Variants in ABCA8 observed in about 807,000 individuals in gnomAD.
The protein encoded by ABCA8 is ABC-type organic anion transporter ABCA8.
ABCA8 carries 177 observed loss-of-function variants against 192.3 expected under a neutral mutation model. That is an observed-to-expected ratio of 0.92 (90% CI 0.81 to 1.04). The LOEUF (loss-of-function observed/expected upper bound fraction) is 1.04, where lower values mean the gene tolerates loss of function less well. ABCA8 is among the 50% of genes least tolerant of loss of function. ABCA8 has a pLI of 0.00. For synonymous variants in ABCA8, 642 were observed against 690.2 expected (o/e 0.93, Z 1.09); for missense variants, 1,915 against 1,904.8 (o/e 1.01, Z -0.10).
At chr17:68,877,952 AT>A (rs957509366) in intron 32 of ABCA8, 55 of 327,434 alleles carry the variant, frequency 1.7e-4, no homozygotes, top group Non-Finnish European at 2.0e-4. Context: ...GTTTATATCC[AT>A]TTTTTTTAAA....
intron 14 of ABCA8, among the ~76,000 whole-genome samples, chr17:68,918,908 C>T (rs181657916): frequency 5.7e-5 from 7 of 122,282 alleles, no homozygotes; most frequent in East Asian, 2.4e-4. Context: ...CCGGCCTGGG[C>T]GACAAGAGCA....
chr17:68,950,807 A>T (rs2068548359), intron 1 of ABCA8, among the ~76,000 whole-genome samples: 1 of 152,146 alleles, frequency 6.6e-6, no homozygotes, highest in African/African-American at 2.4e-5. Context: ...GATTGATTGC[A>T]TCAGTGACCC....
At chr17:68,925,637 A>C (rs996663369) in intron 10 of ABCA8, among the ~76,000 whole-genome samples, 2 of 152,142 alleles carry the variant, frequency 1.3e-5, no homozygotes, top group African/African-American at 4.8e-5. Flanking sequence ...TGTATTTCTC[A>C]CATGTTCAGT....
intron 19 of ABCA8, among the ~76,000 whole-genome samples, chr17:68,905,315 C>T (rs145935882): frequency 2.4e-4 from 37 of 152,252 alleles, no homozygotes; most frequent in Admixed American, 5.9e-4. Flanking sequence ...TTACTGATAA[C>T]GGTCATCAGT....
chr17:68,918,247 A>T (rs566261278), intron 15 of ABCA8, 62 bp from the exon 16 acceptor site: 1 of 1,596,466 alleles, frequency 6.3e-7, no homozygotes, highest in East Asian at 2.2e-5. Context: ...CCAGAAAACA[A>T]CGCAAAAACC....
chr17:68,899,567 C>T (rs149325080), intron 21 of ABCA8, among the ~76,000 whole-genome samples: 29 of 152,116 alleles, frequency 1.9e-4, no homozygotes, highest in African/African-American at 5.8e-4. Context: ...CATTTATAAA[C>T]GTATATACAC....
chr17:68,931,093 G>A (rs139484076), intron 7 of ABCA8, among the ~76,000 whole-genome samples: 2 of 152,128 alleles, frequency 1.3e-5, no homozygotes, highest in Admixed American at 1.3e-4. Flanking sequence ...AGGAGTTCCT[G>A]GTCCTCGGCT....
chr17:68,880,799 G>T, intron 32 of ABCA8: 1 of 343,814 alleles, frequency 2.9e-6, no homozygotes, highest in South Asian at 3.0e-5. Flanking sequence ...TGGGATCCAG[G>T]CTGGTGGCAT....
rs1018588498 is a variant in ABCA8, at chr17:68,911,384, G to T, written c.2139-3505C>A. Among the ~76,000 whole-genome samples the T allele has an allele frequency of 6.7e-6, 1 of 150,218 alleles. No homozygotes were observed. The highest frequency in any genetic ancestry group is 1.5e-5 in the Non-Finnish European group (1 of 67,940). ...GGAGAGGGAAGAGTGGGAAGACTTT[G>T]TCTTCTGGTTTGGGTGTCAGCTCAG... On this transcript the variant is annotated intron_variant, in intron 17 of 39. Coordinates refer to ENST00000586539, the MANE Select transcript of ABCA8 (RefSeq NM_001288985.2). This position sits in a 1 kb window ranked among gnomAD's most constrained non-coding sequence, Gnocchi z 5.7.
chr17:68,890,682 C>T (rs1348623086), intron 24 of ABCA8, among the ~76,000 whole-genome samples: 3 of 152,148 alleles, frequency 2.0e-5, no homozygotes, highest in Admixed American at 2.0e-4. Context: ...CCACACCCAG[C>T]TAATTTTTGT....
At chr17:68,952,751 G>A (rs558936461) in intron 1 of ABCA8, among the ~76,000 whole-genome samples, 1 of 152,086 alleles carries the variant, frequency 6.6e-6, no homozygotes, top group African/African-American at 2.4e-5. Flanking sequence ...ACAGAGAGTG[G>A]CATTATACTT....
At chr17:68,902,168 C>T (rs532290140) in intron 21 of ABCA8, among the ~76,000 whole-genome samples, 1 of 152,288 alleles carries the variant, frequency 6.6e-6, no homozygotes, top group South Asian at 2.1e-4. Flanking sequence ...TGAAAACATG[C>T]TAAGCGAAAG....
chr17:68,887,059 C>T lies in ABCA8; in HGVS notation c.3387G>A (p.Lys1129=). The change falls in exon 26 of 40, where the codon AAG becomes AAA. Residue 1129 remains lysine (K), a synonymous_variant. Transcript: ENST00000586539. ...ACCAAATGCCACTATTTTTTCTCCCCTTGCGAAAGATGAAGGAAATCACGT... is the reference window on the plus strand; with the variant it reads ...ACCAAATGCCACTATTTTTTCTCCCTTTGCGAAAGATGAAGGAAATCACGT... ...MTYVISFIFR[K]GRKNSGIWSF... 5.0e-6 allele frequency: 8 copies of T among 1,612,694 alleles called. No homozygotes were observed. Among genetic ancestry groups the T allele is most frequent in the Non-Finnish European group, 5.9e-6 (7 of 1,179,304 alleles).
chr17:68,928,140 T>C, intron 9 of ABCA8, 77 bp from the exon 10 acceptor site: 2 of 1,180,642 alleles, frequency 1.7e-6, no homozygotes, highest in Non-Finnish European at 2.4e-6. Flanking sequence ...AGCATAGTAA[T>C]GAAATGACTA....
chr17:68,949,177 G>A (rs1216780715), intron 2 of ABCA8, 135 bp downstream of exon 2: 4 of 151,706 alleles, frequency 2.6e-5, no homozygotes, highest in Non-Finnish European at 5.9e-5. Flanking sequence ...AGTTAGCATG[G>A]TAAACTAGAA....
intron 21 of ABCA8, among the ~76,000 whole-genome samples, chr17:68,901,532 G>T (rs2066910908): frequency 6.6e-6 from 1 of 152,194 alleles, no homozygotes; most frequent in Non-Finnish European, 1.5e-5. Context: ...GTGAGGCCGG[G>T]CGCGGTGGCT....
chr17:68,952,605 A>T (rs1026975243), intron 1 of ABCA8, among the ~76,000 whole-genome samples: 5 of 152,342 alleles, frequency 3.3e-5, no homozygotes, highest in Admixed American at 6.5e-5. Flanking sequence ...GGGCTTGTGC[A>T]GGAGGTGGAG....
Position 68,929,056 on chromosome 17 carries a change from A to T in ABCA8, c.1118T>A (p.Met373Lys), listed in dbSNP as rs757966736. The T allele has an allele frequency of 5.1e-6, 8 of 1,564,804 alleles. No individual in the cohort carries two copies. The highest frequency in any genetic ancestry group is 5.2e-6 in the Non-Finnish European group (6 of 1,154,440). ...ATTCAGATGGCATCTCACCTGGGCCATTCCAAGCATGAAGGCAAAGGGACT... is the reference window on the plus strand; with the variant it reads ...ATTCAGATGGCATCTCACCTGGGCCTTTCCAAGCATGAAGGCAAAGGGACT... ...LLSPFAFMLGMAQLLHLDYDL... is the reference protein window; with the variant it reads ...LLSPFAFMLGKAQLLHLDYDL... Residue 373 changes from methionine to lysine, a missense_variant, in exon 9 of 40, where the codon ATG (methionine) becomes AAG (lysine). Transcript: ENST00000586539.
At chr17:68,871,596 A>C (rs1040453253) in intron 37 of ABCA8, among the ~76,000 whole-genome samples, 1 of 152,098 alleles carries the variant, frequency 6.6e-6, no homozygotes, top group African/African-American at 2.4e-5. Flanking sequence ...TTGGGTTATT[A>C]GTTTTTTTTT....
Sources: gnomAD v4.1 joint callset for allele counts (sites outside exome capture counted in the v4.1 genomes callset) on GRCh38, gnomAD v4.1.1 for gene constraint, Gnocchi (gnomAD v3.1) non-coding constraint, MANE v1.5 for transcripts, NCBI Gene and HGNC (gene_info 2026-07-23, HGNC 2026-07-21) for gene names.